PXDNL: variants seen among roughly 807,000 people sequenced by gnomAD.
PXDNL encodes the protein peroxidasin like, also known as probable oxidoreductase PXDNL.
In PXDNL, 145 loss-of-function variants were observed where a neutral mutation model predicts 150.8. The observed-to-expected ratio is 0.96, with a 90% confidence interval of 0.84 to 1.10. The LOEUF is 1.10. Ranked by LOEUF, PXDNL falls within the 50% of genes least tolerant of loss-of-function variation. The pLI is 0.00. For missense variants in PXDNL, 2,087 were observed against 1,873.9 expected, an observed-to-expected ratio of 1.11 and a Z score of -2.10; for synonymous variants, 757 against 725.7, an observed-to-expected ratio of 1.04 and a Z score of -0.69.
intron 3 of PXDNL, among the ~76,000 whole-genome samples, chr8:51,559,527 C>T (rs1295141588): frequency 6.6e-6 from 1 of 151,962 alleles, no homozygotes; most frequent in Non-Finnish European, 1.5e-5. Flanking sequence ...GCACAATCTA[C>T]CACAAAACCA....
At chr8:51,442,272 G>A (rs1478212068) in intron 12 of PXDNL, among the ~76,000 whole-genome samples, 1 of 149,138 alleles carries the variant, frequency 6.7e-6, no homozygotes, top group Non-Finnish European at 1.5e-5. Context: ...AATTATTGTA[G>A]GTTTATCATG....
At chr8:51,684,610 G>C (rs1204262309) in intron 1 of PXDNL, among the ~76,000 whole-genome samples, 5 of 152,228 alleles carry the variant, frequency 3.3e-5, no homozygotes, top group African/African-American at 9.7e-5. Flanking sequence ...TTACTAATCA[G>C]TTGACTTTGA....
chr8:51,702,544 G>A (rs908034022), intron 1 of PXDNL, among the ~76,000 whole-genome samples: 2 of 152,112 alleles, frequency 1.3e-5, no homozygotes, highest in Non-Finnish European at 2.9e-5. Context: ...AATCCTGTTC[G>A]AAAGATTCTA....
At chr8:51,393,498 T>C (rs1427960288) in intron 17 of PXDNL, among the ~76,000 whole-genome samples, 1 of 152,240 alleles carries the variant, frequency 6.6e-6, no homozygotes, top group Non-Finnish European at 1.5e-5. Context: ...CTGTTTCTCA[T>C]AGTCTCCTTC....
chr8:51,668,176 C>CTCTTTTTTTTTTTT (rs1554564343), intron 1 of PXDNL, among the ~76,000 whole-genome samples: 4 of 77,386 alleles, frequency 5.2e-5, no homozygotes, highest in East Asian at 4.9e-4. Context: ...CTCGCTCTCT[C>CTCTTTTTTTTTTTT]TTTTTTTTTT....
At chr8:51,641,046 C>T (rs1217736020) in intron 2 of PXDNL, among the ~76,000 whole-genome samples, 19 of 152,094 alleles carry the variant, frequency 1.2e-4, no homozygotes, top group South Asian at 2.1e-4. Context: ...TCAGAAATAA[C>T]GCCACATATC....
intron 4 of PXDNL, among the ~76,000 whole-genome samples, chr8:51,548,313 G>A (rs534012936): frequency 1.3e-5 from 2 of 152,112 alleles, no homozygotes; most frequent in Admixed American, 6.5e-5. Flanking sequence ...TAGAGGTCTA[G>A]ACATCCAAAT....
At chr8:51,499,072 C>A (rs2217525) in intron 5 of PXDNL, among the ~76,000 whole-genome samples, 8 of 151,924 alleles carry the variant, frequency 5.3e-5, no homozygotes, top group Non-Finnish European at 1.0e-4. Context: ...GAAAGTGAAA[C>A]TGCTAGATCT....
chr8:51,732,729 C>T (rs1330134920), intron 1 of PXDNL, among the ~76,000 whole-genome samples: 3 of 152,188 alleles, frequency 2.0e-5, no homozygotes, highest in Middle Eastern at 3.2e-3. Context: ...AGCAAAGACA[C>T]ATCTTACATG....
rs540272269 is a variant in PXDNL at position 51,685,407 on chromosome 8, A to C, written c.165-30647T>G. 2.6e-5 allele frequency among the ~76,000 whole-genome samples: 4 copies of C among 152,326 alleles called. No individual in the cohort carries two copies. In the East Asian group the frequency reaches 7.7e-4, roughly 29 times the overall value. ...TGTTCCCCAATTACTATGGCAACCA[A>C]AATCATAGCCCTACATTTGGCAAAG... On this transcript the variant is annotated intron_variant, in intron 1 of 22. Transcript: ENST00000356297.
chr8:51,403,088 CAAA>C (rs201970177), intron 17 of PXDNL, among the ~76,000 whole-genome samples: 3 of 52,858 alleles, frequency 5.7e-5, no homozygotes, highest in Non-Finnish European at 7.9e-5. Context: ...ACTCCCTCTC[CAAA>C]AAAAAAAAAA....
intron 2 of PXDNL, among the ~76,000 whole-genome samples, chr8:51,634,811 T>A (rs780985340): frequency 6.6e-6 from 1 of 152,294 alleles, no homozygotes; most frequent in Non-Finnish European, 1.5e-5. Context: ...TGATATTGAT[T>A]TCTGTACATT....
chr8:51,409,256 C>T lies in PXDNL; in HGVS notation c.2368G>A (p.Ala790Thr), dbSNP rs1808550122. 1 of 1,491,432 alleles carries T rather than the reference C, an allele frequency of 6.7e-7. No homozygotes were observed. Among genetic ancestry groups the T allele is most frequent in the Non-Finnish European group, 8.9e-7 (1 of 1,123,374 alleles). The allele number at this position is 1,491,432 out of a possible 1,614,324, so 92.4% of individuals were successfully genotyped here. The stretch of plus-strand genomic sequence containing the variant: ...CTGTGGTCGGGGGTGACGGCCGCCG[C>T]GCGCGCCCACACTGTGGCGACCAGC... ...PRLVATVWAR[A>T]AAVTPDHSYT... Residue 790 changes from alanine to threonine, a missense_variant, in exon 17 of 23, where the codon GCG becomes ACG. Coordinates refer to ENST00000356297, the MANE Select transcript of PXDNL (RefSeq NM_144651.5).
intron 17 of PXDNL, among the ~76,000 whole-genome samples, chr8:51,407,172 C>G (rs1284026519): frequency 1.3e-5 from 2 of 152,122 alleles, no homozygotes; most frequent in Non-Finnish European, 2.9e-5. Flanking sequence ...AAGAAATGTG[C>G]AAATTCAATC....
intron 6 of PXDNL, among the ~76,000 whole-genome samples, chr8:51,478,234 T>C (rs971289268): frequency 4.6e-5 from 7 of 152,166 alleles, no homozygotes; most frequent in African/African-American, 1.2e-4. Context: ...ATACACTATG[T>C]TTAAAATCAT....
At chr8:51,436,769 C>T (rs977869505) in intron 12 of PXDNL, among the ~76,000 whole-genome samples, 1 of 152,046 alleles carries the variant, frequency 6.6e-6, no homozygotes, top group Non-Finnish European at 1.5e-5. Context: ...AGGGCACAAA[C>T]AGACAATCTA....
Position 51,658,685 on chromosome 8 carries a change from T to C in PXDNL, c.165-3925A>G, listed in dbSNP as rs140799110. 1.6e-4 allele frequency among the ~76,000 whole-genome samples: 24 copies of C among 152,328 alleles called. No individual in the cohort carries two copies. In the East Asian group the frequency reaches 4.0e-3, roughly 26 times the overall value. On this transcript the variant is annotated intron_variant, in intron 1 of 22. Transcript: ENST00000356297. ...TATTTAAATTCAAATGGCCACCAAA[T>C]TTGGATAATGATACTGTGTAAGTAT... is the stretch of plus-strand genomic sequence containing the variant.
At chr8:51,491,960 C>A (rs995971209) in intron 5 of PXDNL, among the ~76,000 whole-genome samples, 6 of 152,338 alleles carry the variant, frequency 3.9e-5, no homozygotes, top group Non-Finnish European at 7.4e-5. Context: ...GTATAACACA[C>A]TTTCCTACCT....
In PXDNL at chr8:51,608,090, C is replaced by A. The variant is rs190853313; in HGVS notation, c.237-15392G>T. ...GCAAGCAAGCAAGCAAGCAAGCAAG[C>A]AAGCAAGCAAGCAAGCAAGCCGGGC... On this transcript the variant is annotated intron_variant, in intron 2 of 22. Coordinates refer to ENST00000356297, the MANE Select transcript of PXDNL (RefSeq NM_144651.5). Among the ~76,000 whole-genome samples the A allele has an allele frequency of 2.0e-4, 29 of 147,104 alleles. 2 individuals carry two copies. Among genetic ancestry groups the A allele is most frequent in the Non-Finnish European group, 3.1e-4 (21 of 67,384 alleles).
Sources: allele counts gnomAD v4.1 joint callset (sites outside exome capture counted in the v4.1 genomes callset), GRCh38; gene constraint gnomAD v4.1.1; transcripts MANE v1.5; gene names NCBI Gene and HGNC (gene_info 2026-07-23, HGNC 2026-07-21).